The following KIAA1958 variants were observed in gnomAD, a reference collection of about 807,000 sequenced individuals.
The protein encoded by KIAA1958 is KIAA1958, also known as uncharacterized protein KIAA1958.
In KIAA1958, 14 loss-of-function variants were observed where a neutral mutation model predicts 47.2. That is an observed-to-expected ratio of 0.30 (90% CI 0.20 to 0.46). KIAA1958 has a LOEUF of 0.46. Among genes scored for constraint, KIAA1958 ranks in the 20% least tolerant of loss-of-function variants. The pLI is 1.00. For synonymous variants in KIAA1958, 354 were observed against 353.3 expected (o/e 1.00, Z -0.02); for missense variants, 803 against 909.2 (o/e 0.88, Z 1.50).
intron 2 of KIAA1958, among the ~76,000 whole-genome samples, chr9:112,610,177 A>G (rs1836301518): frequency 6.6e-6 from 1 of 152,152 alleles, no homozygotes; most frequent in Non-Finnish European, 1.5e-5. Flanking sequence ...AAAAATAATC[A>G]TGATGACAAT....
At chr9:112,494,238 TAC>T (rs921815603) in intron 1 of KIAA1958, among the ~76,000 whole-genome samples, 5 of 152,234 alleles carry the variant, frequency 3.3e-5, no homozygotes, top group African/African-American at 1.2e-4. Context: ...TTCTCCTAGA[TAC>T]ACAGTGTTTT....
Position 112,487,073 on chromosome 9 carries a change from C to A in KIAA1958, c.-70C>A, listed in dbSNP as rs1317449880. The A allele has an allele frequency of 4.4e-6, 1 of 226,102 alleles. No homozygotes were observed. Among genetic ancestry groups the A allele is most frequent in the Non-Finnish European group, 9.0e-6 (1 of 110,914 alleles). The allele number at this position is 226,102 out of a possible 1,614,324, so 14.0% of individuals were successfully genotyped here. A position where few individuals can be genotyped will look rare whatever the true frequency, so the allele number is the denominator to read the frequency against. On this transcript the variant is annotated 5_prime_UTR_variant, in exon 1 of 4. Transcript: ENST00000337530. ...GGGCTGCCCGGCTCTCGCAGGCCCC[C>A]CCGCGCCGACCGCGTTCCTATGGAC...
At chr9:112,547,105 G>A (rs1034749503) in intron 1 of KIAA1958, among the ~76,000 whole-genome samples, 2 of 151,918 alleles carry the variant, frequency 1.3e-5, no homozygotes, top group African/African-American at 4.8e-5. Context: ...GGCTTGGCGC[G>A]GTAGCTCACT....
chr9:112,599,486 CT>C (rs948411193), intron 2 of KIAA1958, among the ~76,000 whole-genome samples: 3 of 152,062 alleles, frequency 2.0e-5, no homozygotes, highest in Non-Finnish European at 4.4e-5. Flanking sequence ...TCAATAAAAA[CT>C]TTTTTTCTGA....
chr9:112,596,754 G>A (rs1266362959), intron 2 of KIAA1958, among the ~76,000 whole-genome samples: 1 of 152,108 alleles, frequency 6.6e-6, no homozygotes, highest in Non-Finnish European at 1.5e-5. Flanking sequence ...ATAGCTTTGT[G>A]CATTTCCATT....
chr9:112,548,267 G>A (rs1444810617), intron 1 of KIAA1958, among the ~76,000 whole-genome samples: 1 of 152,118 alleles, frequency 6.6e-6, no homozygotes, highest in Non-Finnish European at 1.5e-5. Context: ...AGTGTTACAG[G>A]TGTTAGCCAC....
At chr9:112,495,004 G>C (rs1254885821) in intron 1 of KIAA1958, among the ~76,000 whole-genome samples, 2 of 150,164 alleles carry the variant, frequency 1.3e-5, no homozygotes, top group African/African-American at 4.9e-5. Flanking sequence ...GCCTTTCTCT[G>C]TCATTCAAGG....
chr9:112,565,270 T>A (rs1286266228), intron 1 of KIAA1958, among the ~76,000 whole-genome samples: 1 of 152,226 alleles, frequency 6.6e-6, no homozygotes, highest in Non-Finnish European at 1.5e-5. Context: ...TCAAGGTTTT[T>A]TGTTTTTTGT....
At chr9:112,534,286 C>T (rs1834814844) in intron 1 of KIAA1958, among the ~76,000 whole-genome samples, 1 of 152,170 alleles carries the variant, frequency 6.6e-6, no homozygotes, top group Non-Finnish European at 1.5e-5. Context: ...AGAGGCATGT[C>T]AGAATGAAAG....
chr9:112,561,626 G>A (rs540327042), intron 1 of KIAA1958, among the ~76,000 whole-genome samples: 2 of 152,154 alleles, frequency 1.3e-5, no homozygotes, highest in East Asian at 1.9e-4. Flanking sequence ...AGGCTGAGGC[G>A]GGCATATCAC....
chr9:112,577,312 T>C (rs940205298), intron 2 of KIAA1958, among the ~76,000 whole-genome samples: 2 of 152,108 alleles, frequency 1.3e-5, no homozygotes, highest in Non-Finnish European at 2.9e-5. Flanking sequence ...TTCTTTCTTT[T>C]AAAAAATATT....
chr9:112,551,293 G>A (rs138295854), intron 1 of KIAA1958, among the ~76,000 whole-genome samples: 31 of 152,216 alleles, frequency 2.0e-4, no homozygotes, highest in African/African-American at 7.0e-4. Flanking sequence ...ACCAGCTCCA[G>A]GTAACCACTG....
intron 1 of KIAA1958, among the ~76,000 whole-genome samples, chr9:112,491,903 A>C (rs1232144926): frequency 1.3e-5 from 2 of 151,918 alleles, no homozygotes; most frequent in African/African-American, 4.8e-5. Flanking sequence ...GTCCTTTTTT[A>C]ATTGCAAATA....
intron 2 of KIAA1958, chr9:112,617,726 G>A: frequency 1.5e-6 from 1 of 664,304 alleles, no homozygotes; most frequent in Non-Finnish European, 2.6e-6. Flanking sequence ...TGACAGGTAT[G>A]TAAATAACAT....
intron 2 of KIAA1958, among the ~76,000 whole-genome samples, chr9:112,582,837 G>A (rs979219881): frequency 5.3e-5 from 8 of 152,152 alleles, no homozygotes; most frequent in Non-Finnish European, 1.2e-4. Context: ...AGGGCGGAGG[G>A]AAGGATTCAG....
intron 1 of KIAA1958, among the ~76,000 whole-genome samples, chr9:112,539,365 AAG>A (rs1483118652): frequency 2.0e-5 from 3 of 152,258 alleles, no homozygotes; most frequent in Non-Finnish European, 4.4e-5. Context: ...TGGACATAAA[AAG>A]GATACATGCT....
At chr9:112,515,894 T>TTA (rs1212561170) in intron 1 of KIAA1958, among the ~76,000 whole-genome samples, 6 of 97,126 alleles carry the variant, frequency 6.2e-5, no homozygotes, top group South Asian at 4.1e-4. Context: ...AAAAATAAAT[T>TTA]AAAAAAAAAA....
Position 112,548,556 on chromosome 9 carries a change from T to G in KIAA1958, c.-24-25501T>G, listed in dbSNP as rs199696901. Among the ~76,000 whole-genome samples the G allele has an allele frequency of 4.6e-5, 7 of 152,336 alleles. 1 individual carries two copies. The East Asian group carries it at 1.3e-3, about 29-fold the overall frequency. On this transcript the variant is annotated intron_variant, in intron 1 of 3. Coordinates refer to ENST00000337530, the MANE Select transcript of KIAA1958 (RefSeq NM_133465.4). ...CATAGTTTGACCCTTTGTGTCATCA[T>G]ATCCAAATCAGGCTATATTGTTGTT...
chr9:112,531,179 G>A (rs1834745532), intron 1 of KIAA1958, among the ~76,000 whole-genome samples: 1 of 152,148 alleles, frequency 6.6e-6, no homozygotes, highest in Non-Finnish European at 1.5e-5. Flanking sequence ...ACCTGAGGTT[G>A]GGAGTTCGAG....
Sources: allele counts gnomAD v4.1 joint callset (sites outside exome capture counted in the v4.1 genomes callset), GRCh38; gene constraint gnomAD v4.1.1; transcripts MANE v1.5; gene names NCBI Gene and HGNC (gene_info 2026-07-23, HGNC 2026-07-21).